Variants in ROBO2 observed in about 807,000 individuals in gnomAD.
The protein encoded by ROBO2 is roundabout guidance receptor 2, also known as roundabout homolog 2.
A neutral mutation model predicts 160.8 loss-of-function variants in ROBO2; 53 were observed. That is an observed-to-expected ratio of 0.33 (90% CI 0.26 to 0.41). The LOEUF (loss-of-function observed/expected upper bound fraction) is 0.41. Ranked by LOEUF, ROBO2 falls within the 10% of genes least tolerant of loss-of-function variation. The pLI, the probability that ROBO2 is intolerant of heterozygous loss-of-function variation, is 1.00. For missense variants in ROBO2, 1,577 were observed against 1,722.4 expected, an observed-to-expected ratio of 0.92 and a Z score of 1.49; for synonymous variants, 664 against 611.7, an observed-to-expected ratio of 1.09 and a Z score of -1.26.
At chr3:76,735,694 A>G (rs546441302) in intron 2 of ROBO2, among the ~76,000 whole-genome samples, 26 of 145,574 alleles carry the variant, frequency 1.8e-4, no homozygotes, top group Non-Finnish European at 3.3e-4. Flanking sequence ...TCCAGGAGGC[A>G]GAGAATGCAG....
chr3:76,776,459 A>G (rs910729973), intron 2 of ROBO2, among the ~76,000 whole-genome samples: 5 of 150,958 alleles, frequency 3.3e-5, no homozygotes, highest in Non-Finnish European at 5.9e-5. Flanking sequence ...TAAAAGGAAG[A>G]TTGGTACACA....
At chr3:77,341,295 A>G (rs2067030123) in intron 2 of ROBO2, among the ~76,000 whole-genome samples, 2 of 152,166 alleles carry the variant, frequency 1.3e-5, no homozygotes, top group African/African-American at 4.8e-5. Context: ...AAATCATTAT[A>G]TATCTGACCT....
chr3:76,854,018 T>TC (rs2069718490), intron 2 of ROBO2, among the ~76,000 whole-genome samples: 3 of 117,266 alleles, frequency 2.6e-5, no homozygotes, highest in African/African-American at 6.3e-5. Context: ...AGCATAGACT[T>TC]TCTCTCTCTC....
intron 6 of ROBO2, among the ~76,000 whole-genome samples, chr3:77,531,863 A>C (rs1323447971): frequency 6.6e-6 from 1 of 151,998 alleles, no homozygotes; most frequent in African/African-American, 2.4e-5. Context: ...CCATGACCTG[A>C]GGTAATCATC....
chr3:77,327,955 G>T (rs1169930449), intron 2 of ROBO2, among the ~76,000 whole-genome samples: 1 of 151,196 alleles, frequency 6.6e-6, no homozygotes, highest in Non-Finnish European at 1.5e-5. Flanking sequence ...GGAGGCTGAG[G>T]CATGAGAATC....
intron 2 of ROBO2, among the ~76,000 whole-genome samples, chr3:76,952,264 G>A (rs1017309156): frequency 6.6e-6 from 1 of 151,980 alleles, no homozygotes; most frequent in Non-Finnish European, 1.5e-5. Context: ...CTCCTGCATT[G>A]TAACCTATTT....
chr3:77,433,486 G>GTGTATATATATATATATATA (rs1553954821), intron 2 of ROBO2, among the ~76,000 whole-genome samples: 1 of 99,400 alleles, frequency 1.0e-5, no homozygotes, highest in African/African-American at 3.5e-5. Context: ...CTGGCAACTT[G>GTGTATATATATATATATATA]TATATATATA....
intron 1 of ROBO2, among the ~76,000 whole-genome samples, chr3:77,096,607 C>T (rs1354537889): frequency 1.3e-5 from 2 of 151,950 alleles, no homozygotes; most frequent in Non-Finnish European, 2.9e-5. Context: ...CACCACCCTG[C>T]CTGGCAAAGT....
At chr3:76,214,707 G>A (rs561690361) in intron 2 of ROBO2, among the ~76,000 whole-genome samples, 9 of 152,334 alleles carry the variant, frequency 5.9e-5, no homozygotes, top group African/African-American at 1.9e-4. Context: ...AAGGAGGCCT[G>A]CCTGCCTCTG....
At chr3:77,014,498 C>T (rs1023244525) in intron 2 of ROBO2, among the ~76,000 whole-genome samples, 1 of 152,162 alleles carries the variant, frequency 6.6e-6, no homozygotes, top group Non-Finnish European at 1.5e-5. Context: ...CATGTCACGC[C>T]GATCCCAGCA....
intron 2 of ROBO2, among the ~76,000 whole-genome samples, chr3:76,491,062 C>T (rs1297126100): frequency 1.3e-5 from 2 of 151,934 alleles, no homozygotes; most frequent in South Asian, 4.2e-4. Context: ...CAGGTTCAAA[C>T]GATTCTCCTG....
intron 2 of ROBO2, among the ~76,000 whole-genome samples, chr3:76,000,489 ATTTTTTTT>A (rs62945460): frequency 1.8e-5 from 2 of 114,170 alleles, no homozygotes; most frequent in African/African-American, 6.0e-5. Flanking sequence ...TTGTGCGCTT[ATTTTTTTT>A]TTTTTTTTTT....
chr3:77,033,819 T>C (rs2063466454), intron 2 of ROBO2, among the ~76,000 whole-genome samples: 1 of 152,104 alleles, frequency 6.6e-6, no homozygotes, highest in East Asian at 1.9e-4. Context: ...TTAATTTGTA[T>C]GGCAAATATA....
intron 2 of ROBO2, among the ~76,000 whole-genome samples, chr3:77,353,406 AT>A (rs2068622361): frequency 6.6e-6 from 1 of 152,328 alleles, no homozygotes; most frequent in South Asian, 2.1e-4. Flanking sequence ...GGTCAAATCT[AT>A]TTTATTTGAA....
intron 2 of ROBO2, among the ~76,000 whole-genome samples, chr3:76,805,346 G>A (rs960921910): frequency 5.9e-5 from 9 of 151,616 alleles, no homozygotes; most frequent in Non-Finnish European, 1.3e-4. Context: ...AAAGCTTTTG[G>A]TTTTACTCCT....
chr3:76,973,653 C>G (rs2149293296), intron 2 of ROBO2, among the ~76,000 whole-genome samples: 1 of 152,240 alleles, frequency 6.6e-6, no homozygotes, highest in Middle Eastern at 3.4e-3. Flanking sequence ...ACTACATACA[C>G]AAGAGACATG....
intron 22 of ROBO2, among the ~76,000 whole-genome samples, chr3:77,621,639 T>G (rs1305104940): frequency 6.6e-6 from 1 of 152,128 alleles, no homozygotes; most frequent in Non-Finnish European, 1.5e-5. Context: ...AAATAGCTAC[T>G]AGAGCACAAA....
intron 2 of ROBO2, among the ~76,000 whole-genome samples, chr3:76,775,330 A>G (rs1348616658): frequency 6.6e-6 from 1 of 150,772 alleles, no homozygotes; most frequent in Non-Finnish European, 1.5e-5. Context: ...AAACTCTTCA[A>G]AAGTATTTCT....
chr3:76,869,196 G>C (rs568087926), intron 2 of ROBO2, among the ~76,000 whole-genome samples: 7 of 152,232 alleles, frequency 4.6e-5, no homozygotes, highest in African/African-American at 7.2e-5. Context: ...TTGAAACTAA[G>C]TCGTCCTAAC....
Sources: gnomAD v4.1 joint callset for allele counts (sites outside exome capture counted in the v4.1 genomes callset) on GRCh38, gnomAD v4.1.1 for gene constraint, MANE v1.5 for transcripts, NCBI Gene and HGNC (gene_info 2026-07-23, HGNC 2026-07-21) for gene names.